CDH4: variants seen among roughly 807,000 people sequenced by gnomAD.
CDH4 encodes the protein cadherin 4.
A neutral mutation model predicts 86.0 loss-of-function variants in CDH4; 33 were observed. The ratio of observed to expected loss-of-function variants is 0.38; its 90% CI spans 0.29 to 0.51. The LOEUF is 0.51. Ranked by LOEUF, CDH4 falls within the 20% of genes least tolerant of loss-of-function variation. CDH4 has a pLI of 0.86. For missense variants in CDH4, 1,114 were observed against 1,307.4 expected (o/e 0.85, Z 2.28); for synonymous variants, 555 against 549.4 (o/e 1.01, Z -0.14).
At chr20:61,433,072 C>T (rs1249165634) in intron 2 of CDH4, among the ~76,000 whole-genome samples, 2 of 152,124 alleles carry the variant, frequency 1.3e-5, no homozygotes, top group Non-Finnish European at 2.9e-5. Flanking sequence ...CTCCTGACCT[C>T]AGGTGATCCG....
chr20:61,898,313 TAATTA>T (rs1344760379), intron 8 of CDH4, among the ~76,000 whole-genome samples: 1 of 152,226 alleles, frequency 6.6e-6, no homozygotes, highest in East Asian at 1.9e-4. Context: ...TCCTAAATGT[TAATTA>T]AAAGTTATTT....
At chr20:61,356,910 T>C (rs2084753515) in intron 2 of CDH4, among the ~76,000 whole-genome samples, 1 of 152,314 alleles carries the variant, frequency 6.6e-6, no homozygotes, top group Middle Eastern at 3.4e-3. Flanking sequence ...ACGTTTAGCC[T>C]CTTTCTCTCG....
chr20:61,882,454 C>A (rs184628485), intron 7 of CDH4, among the ~76,000 whole-genome samples: 119 of 152,334 alleles, frequency 7.8e-4, no homozygotes, highest in African/African-American at 2.8e-3. Context: ...CGAGAGATTT[C>A]TATTCAAATC....
chr20:61,430,555 G>A (rs566893669), intron 2 of CDH4, among the ~76,000 whole-genome samples: 71 of 152,234 alleles, frequency 4.7e-4, no homozygotes, highest in African/African-American at 1.6e-3. Context: ...CCACACCATC[G>A]ACAGAACGGT....
Position 61,295,617 on chromosome 20 carries a change from C to T in CDH4, c.169+40680C>T, listed in dbSNP as rs74685579. ...GCGAGTGGCCCTGGGCGTCATCCTGCGGTTCATATTTCTCGGTGAGGAAAC... is the reference window on the plus strand; with the variant it reads ...GCGAGTGGCCCTGGGCGTCATCCTGTGGTTCATATTTCTCGGTGAGGAAAC... On this transcript the variant is annotated intron_variant, in intron 2 of 15. Transcript: ENST00000614565. Among the ~76,000 whole-genome samples the T allele has an allele frequency of 8.1e-3, 1,230 of 152,142 alleles. 19 individuals are homozygous for T. Among genetic ancestry groups the T allele is most frequent in the African/African-American group, 0.028 (1,165 of 41,492 alleles).
chr20:61,889,807 TGATGGATGGGTG>T (rs1476377858), intron 7 of CDH4, among the ~76,000 whole-genome samples: 3 of 147,356 alleles, frequency 2.0e-5, no homozygotes, highest in Admixed American at 6.7e-5. Flanking sequence ...GGATGGTGGA[TGATGGATGGGTG>T]GATGGATGGT....
chr20:61,896,551 G>A (rs1407251085), intron 8 of CDH4, among the ~76,000 whole-genome samples: 1 of 152,236 alleles, frequency 6.6e-6, no homozygotes, highest in East Asian at 1.9e-4. Context: ...CTGGCAGTGA[G>A]TCCAGGCAGC....
intron 9 of CDH4, among the ~76,000 whole-genome samples, chr20:61,913,385 C>T (rs1018729976): frequency 2.6e-5 from 4 of 152,220 alleles, no homozygotes; most frequent in Admixed American, 6.5e-5. Flanking sequence ...CCTATCTGCG[C>T]GGAGCATCAC....
chr20:61,548,044 A>G (rs1272703336), intron 2 of CDH4, among the ~76,000 whole-genome samples: 2 of 152,214 alleles, frequency 1.3e-5, no homozygotes, highest in Admixed American at 6.5e-5. Context: ...GGCAGCATCA[A>G]ACCCTCAGGG....
At chr20:61,871,291 G>T (rs1047943050) in intron 6 of CDH4, among the ~76,000 whole-genome samples, 2 of 152,000 alleles carry the variant, frequency 1.3e-5, no homozygotes, top group South Asian at 4.2e-4. Flanking sequence ...CAGGCTCCTC[G>T]TGAGTTCCTT....
At chr20:61,731,209 G>T (rs957430589) in intron 2 of CDH4, among the ~76,000 whole-genome samples, 1 of 152,000 alleles carries the variant, frequency 6.6e-6, no homozygotes, top group Non-Finnish European at 1.5e-5. Context: ...CCAAACAGTC[G>T]TGCCGCTTGT....
chr20:61,561,488 G>T (rs1217245096), intron 2 of CDH4, among the ~76,000 whole-genome samples: 1 of 152,274 alleles, frequency 6.6e-6, no homozygotes, highest in Non-Finnish European at 1.5e-5. Flanking sequence ...CAAGTGGCCT[G>T]CGTGTGTCCA....
intron 4 of CDH4, among the ~76,000 whole-genome samples, chr20:61,843,749 G>A (rs67502769): frequency 0.44 from 66,323 of 151,676 alleles, 16,228 homozygotes; most frequent in Non-Finnish European, 0.56. Context: ...TGGGGTTTCC[G>A]CTATGGCCCA....
intron 2 of CDH4, among the ~76,000 whole-genome samples, chr20:61,728,126 C>T (rs2088136958): frequency 6.6e-6 from 1 of 151,468 alleles, no homozygotes; most frequent in African/African-American, 2.4e-5. Context: ...GACCTCAGCA[C>T]ACCTTTTTTC....
At chr20:61,466,849 T>C (rs1268426088) in intron 2 of CDH4, among the ~76,000 whole-genome samples, 1 of 112,536 alleles carries the variant, frequency 8.9e-6, no homozygotes, top group Non-Finnish European at 1.7e-5. Context: ...AGACGCTGCC[T>C]CAAATAAATA....
Position 61,832,420 on chromosome 20 carries a change from C to G in CDH4, c.577-12248C>G, listed in dbSNP as rs191696634. 5.3e-5 allele frequency among the ~76,000 whole-genome samples: 8 copies of G among 152,308 alleles called. No homozygotes were observed. In the East Asian group the frequency reaches 9.6e-4, roughly 18 times the overall value. On this transcript the variant is annotated intron_variant, in intron 4 of 15. Coordinates refer to ENST00000614565, the MANE Select transcript of CDH4 (RefSeq NM_001794.5). ...AAGTGAGTGGATGGATGTAATGTGA[C>G]TAGTGTACTAGTTCATTTTCACACT...
At chr20:61,327,215 C>G (rs2084541637) in intron 2 of CDH4, among the ~76,000 whole-genome samples, 1 of 152,100 alleles carries the variant, frequency 6.6e-6, no homozygotes, top group African/African-American at 2.4e-5. Context: ...ATATGTGTGG[C>G]TATATAAAAA....
At chr20:61,920,615 C>A (rs936462152) in intron 9 of CDH4, among the ~76,000 whole-genome samples, 3 of 132,480 alleles carry the variant, frequency 2.3e-5, no homozygotes, top group Middle Eastern at 4.8e-3. Context: ...ACAGTGATTG[C>A]ATGGAAGTGT....
At chr20:61,358,868 C>T (rs571300512) in intron 2 of CDH4, among the ~76,000 whole-genome samples, 6 of 152,154 alleles carry the variant, frequency 3.9e-5, no homozygotes, top group Admixed American at 1.3e-4. Flanking sequence ...AGCCGTCATG[C>T]GGCATGCTCA....
Sources: allele counts gnomAD v4.1 joint callset (sites outside exome capture counted in the v4.1 genomes callset), GRCh38; gene constraint gnomAD v4.1.1; transcripts MANE v1.5; gene names NCBI Gene and HGNC (gene_info 2026-07-23, HGNC 2026-07-21).